The following RGS6 variants were observed in gnomAD, a reference collection of about 807,000 sequenced individuals.
RGS6 encodes the protein regulator of G protein signaling 6.
Under a neutral mutation model 78.5 loss-of-function variants are expected in RGS6, and 30 were observed. The ratio of observed to expected loss-of-function variants is 0.38; its 90% CI spans 0.29 to 0.52. RGS6 has a LOEUF of 0.52. RGS6 is among the 20% of genes least tolerant of loss of function. The pLI, the probability that RGS6 is intolerant of heterozygous loss-of-function variation, is 0.85. For synonymous variants in RGS6, 206 were observed against 206.0 expected, an observed-to-expected ratio of 1.00 and a Z score of 0.00; for missense variants, 495 against 609.7, an observed-to-expected ratio of 0.81 and a Z score of 1.98.
intron 2 of RGS6, among the ~76,000 whole-genome samples, chr14:72,282,614 A>G (rs1350090104): frequency 6.6e-6 from 1 of 152,204 alleles, no homozygotes; most frequent in African/African-American, 2.4e-5. Flanking sequence ...TTTTTGAGGC[A>G]TAATTGATAT....
intron 2 of RGS6, among the ~76,000 whole-genome samples, chr14:72,143,739 C>G (rs1490208782): frequency 6.6e-6 from 1 of 152,128 alleles, no homozygotes; most frequent in Non-Finnish European, 1.5e-5. Context: ...CCAACATTTT[C>G]AAACATTTTA....
intron 2 of RGS6, among the ~76,000 whole-genome samples, chr14:72,284,280 G>A (rs566454070): frequency 9.2e-5 from 14 of 152,310 alleles, no homozygotes; most frequent in African/African-American, 3.4e-4. Context: ...AATCACCAAG[G>A]CAATGGGGAA....
chr14:72,004,850 A>AAAT (rs2084202982), intron 2 of RGS6, among the ~76,000 whole-genome samples: 1 of 146,166 alleles, frequency 6.8e-6, no homozygotes, highest in African/African-American at 2.5e-5. Context: ...AATAAATAAA[A>AAAT]CAAACATAAA....
chr14:72,601,687 A>T, the RGS6 span, among the ~76,000 whole-genome samples: 7 of 152,232 alleles, frequency 4.6e-5, no homozygotes. Flanking sequence ...GTATCAAAAC[A>T]TCACACTGTA....
chr14:72,223,730 G>A (rs1599828026), intron 2 of RGS6, among the ~76,000 whole-genome samples: 1 of 152,224 alleles, frequency 6.6e-6, no homozygotes, highest in Non-Finnish European at 1.5e-5. Flanking sequence ...TGCTTCAAAT[G>A]ATCCAGAAGG....
At position 72,474,489 on chromosome 14, in the gene RGS6, T is replaced by C. The variant is rs1033224030; in HGVS notation, c.619-136T>C. The C allele has an allele frequency of 5.9e-5, 45 of 765,476 alleles. No homozygotes were observed. In the Middle Eastern group the frequency reaches 8.7e-4, roughly 15 times the overall value. The allele number at this position is 765,476 out of a possible 1,614,324, so 47.4% of individuals were successfully genotyped here. ...GAACTCCACAGAGGAATGCATATTA[T>C]GGCAAAATGGAAAAAAAAATCATGC... On this transcript the variant is annotated intron_variant, in intron 9 of 17. Coordinates refer to ENST00000553525, the MANE Select transcript of RGS6 (RefSeq NM_001204424.2).
chr14:72,449,554 C>G (rs2095443527), intron 3 of RGS6, among the ~76,000 whole-genome samples: 1 of 152,184 alleles, frequency 6.6e-6, no homozygotes. Flanking sequence ...GAGTGTCTGC[C>G]TGAAACCAGA....
intron 3 of RGS6, among the ~76,000 whole-genome samples, chr14:72,407,870 C>T (rs1370036337): frequency 1.3e-5 from 2 of 152,190 alleles, no homozygotes; most frequent in Non-Finnish European, 2.9e-5. Flanking sequence ...ACATTTGTTG[C>T]AGTCTGTGTT....
At chr14:72,260,953 A>G (rs962194155) in intron 2 of RGS6, among the ~76,000 whole-genome samples, 1 of 152,158 alleles carries the variant, frequency 6.6e-6, no homozygotes, top group Non-Finnish European at 1.5e-5. Context: ...AGTTTGAGCA[A>G]TTGTTGCTGG....
At chr14:72,131,756 C>A (rs1205745109) in intron 2 of RGS6, among the ~76,000 whole-genome samples, 1 of 152,188 alleles carries the variant, frequency 6.6e-6, no homozygotes, top group African/African-American at 2.4e-5. Context: ...AAGGTTGAAG[C>A]ATTCCCTTCC....
At chr14:72,078,871 C>T (rs2094700786) in intron 2 of RGS6, among the ~76,000 whole-genome samples, 1 of 152,054 alleles carries the variant, frequency 6.6e-6, no homozygotes, top group African/African-American at 2.4e-5. Flanking sequence ...CTTACATCTT[C>T]CCTTATATTT....
At chr14:72,550,441 C>A (rs1359481909) in intron 17 of RGS6, 27 of 1,532,504 alleles carry the variant, frequency 1.8e-5, no homozygotes, top group Non-Finnish European at 2.4e-5. Context: ...CATCTGAGCC[C>A]CCGTGCCTAA....
chr14:71,913,643 C>T, the RGS6 span, among the ~76,000 whole-genome samples: 9 of 152,164 alleles, frequency 5.9e-5, no homozygotes, highest in Non-Finnish European at 1.2e-4. Flanking sequence ...ATGAGACTTA[C>T]GAAGGAAGTG....
At chr14:72,221,929 G>A (rs1181507691) in intron 2 of RGS6, among the ~76,000 whole-genome samples, 1 of 152,204 alleles carries the variant, frequency 6.6e-6, no homozygotes, top group East Asian at 1.9e-4. Context: ...GAAAAAAGGA[G>A]ATGTTTGGAT....
At chr14:72,076,173 C>T (rs11629175) in intron 2 of RGS6, among the ~76,000 whole-genome samples, 35,032 of 152,114 alleles carry the variant, frequency 0.23, 5,420 homozygotes, top group Non-Finnish European at 0.33. Flanking sequence ...TCCAGAGCAG[C>T]GTGCGCCCTC....
intron 12 of RGS6, among the ~76,000 whole-genome samples, chr14:72,482,368 A>C (rs1046967628): frequency 4.0e-5 from 6 of 151,702 alleles, no homozygotes; most frequent in African/African-American, 1.5e-4. Flanking sequence ...TTCTCTACTA[A>C]CCCTTCCCCC....
intron 15 of RGS6, among the ~76,000 whole-genome samples, chr14:72,521,202 C>A (rs1034907830): frequency 6.6e-6 from 1 of 152,196 alleles, no homozygotes; most frequent in Non-Finnish European, 1.5e-5. Context: ...TCTATGCTGA[C>A]AATCCTGACT....
intron 17 of RGS6, chr14:72,550,373 TG>T: frequency 8.8e-7 from 1 of 1,140,480 alleles, no homozygotes; most frequent in Non-Finnish European, 1.3e-6. Flanking sequence ...GTGACAGGGC[TG>T]GAGAACCATT....
chr14:72,317,413 A>G (rs970032325), intron 2 of RGS6, among the ~76,000 whole-genome samples: 4 of 152,162 alleles, frequency 2.6e-5, no homozygotes, highest in Admixed American at 6.5e-5. Flanking sequence ...TAAAAGGTCA[A>G]TGATTTTACT....
Sources: gnomAD v4.1 joint callset for allele counts (sites outside exome capture counted in the v4.1 genomes callset) on GRCh38, gnomAD v4.1.1 for gene constraint, MANE v1.5 for transcripts, NCBI Gene and HGNC (gene_info 2026-07-23, HGNC 2026-07-21) for gene names.